LRP1B: variants seen among roughly 807,000 people sequenced by gnomAD.
LRP1B encodes the protein low-density lipoprotein receptor-related protein 1B.
A neutral mutation model predicts 556.6 loss-of-function variants in LRP1B; 217 were observed. The ratio of observed to expected loss-of-function variants is 0.39; its 90% CI spans 0.35 to 0.44. The LOEUF is 0.44. LRP1B is among the 20% of genes least tolerant of loss of function. LRP1B has a pLI of 1.00. For missense variants in LRP1B, 5,053 were observed against 5,620.8 expected (o/e 0.90, Z 3.23); for synonymous variants, 2,047 against 1,865.8 (o/e 1.10, Z -2.50).
chr2:141,080,711 C>T (rs1574053871), intron 7 of LRP1B, among the ~76,000 whole-genome samples: 3 of 152,330 alleles, frequency 2.0e-5, no homozygotes, highest in African/African-American at 7.2e-5. Context: ...GTCTCTATTT[C>T]ATTCTGAGGA....
At chr2:141,154,707 A>G (rs1702022658) in intron 7 of LRP1B, among the ~76,000 whole-genome samples, 1 of 151,906 alleles carries the variant, frequency 6.6e-6, no homozygotes, top group Non-Finnish European at 1.5e-5. Flanking sequence ...TGATAATCCA[A>G]GCCAGAATCA....
At chr2:141,474,059 C>CCTTT (rs1682607173) in intron 3 of LRP1B, among the ~76,000 whole-genome samples, 1 of 51,250 alleles carries the variant, frequency 2.0e-5, no homozygotes, top group African/African-American at 5.5e-5. Flanking sequence ...CTTCCTTCCT[C>CCTTT]CCTCCCTCCC....
chr2:140,302,622 A>C (rs1683883848), intron 83 of LRP1B, among the ~76,000 whole-genome samples: 1 of 152,178 alleles, frequency 6.6e-6, no homozygotes, highest in Admixed American at 6.6e-5. Context: ...TGGAATCAGC[A>C]GACCAAGTAA....
intron 2 of LRP1B, among the ~76,000 whole-genome samples, chr2:141,796,091 T>A (rs1483932466): frequency 6.6e-6 from 1 of 151,524 alleles, no homozygotes; most frequent in Non-Finnish European, 1.5e-5. Flanking sequence ...AGAACACATA[T>A]CTAATTTGTT....
chr2:142,029,815 G>C (rs536827263), intron 1 of LRP1B, among the ~76,000 whole-genome samples: 49 of 151,686 alleles, frequency 3.2e-4, no homozygotes, highest in Non-Finnish European at 5.7e-4. Flanking sequence ...ATGGTTTCTG[G>C]AGATCTTTCT....
At chr2:141,837,271 G>A (rs568337446) in intron 1 of LRP1B, among the ~76,000 whole-genome samples, 7 of 151,972 alleles carry the variant, frequency 4.6e-5, no homozygotes, top group Non-Finnish European at 7.4e-5. Flanking sequence ...AGTTGCCATC[G>A]AAGGGTAAGA....
At chr2:141,274,512 A>G (rs1685209151) in intron 3 of LRP1B, among the ~76,000 whole-genome samples, 2 of 152,206 alleles carry the variant, frequency 1.3e-5, no homozygotes, top group South Asian at 4.1e-4. Flanking sequence ...AAAGCAGTAG[A>G]GAAAAAGTAG....
chr2:141,179,598 T>TTA (rs1489516977), intron 7 of LRP1B, among the ~76,000 whole-genome samples: 2 of 152,006 alleles, frequency 1.3e-5, no homozygotes, highest in Admixed American at 6.6e-5. Context: ...ACAAAGACAA[T>TTA]TATATCACTA....
intron 2 of LRP1B, among the ~76,000 whole-genome samples, chr2:141,530,744 G>T (rs1026946017): frequency 6.6e-6 from 1 of 152,002 alleles, no homozygotes; most frequent in Non-Finnish European, 1.5e-5. Flanking sequence ...AAAGATGGGT[G>T]GTGTCAGCTA....
intron 2 of LRP1B, among the ~76,000 whole-genome samples, chr2:141,760,479 A>T (rs567604445): frequency 6.6e-6 from 1 of 152,332 alleles, no homozygotes; most frequent in South Asian, 2.1e-4. Context: ...ATATTTAAAG[A>T]AATTTATTAT....
chr2:140,984,330 T>C (rs1444259101), intron 17 of LRP1B, among the ~76,000 whole-genome samples: 1 of 151,982 alleles, frequency 6.6e-6, no homozygotes, highest in Non-Finnish European at 1.5e-5. Context: ...TTCTTTTCCA[T>C]ACCTTTCTTC....
intron 18 of LRP1B, among the ~76,000 whole-genome samples, chr2:140,952,897 T>C (rs1446141663): frequency 6.6e-6 from 1 of 152,180 alleles, no homozygotes; most frequent in Admixed American, 6.5e-5. Flanking sequence ...CTAGAGTTTA[T>C]TTAAGTTGCT....
intron 4 of LRP1B, among the ~76,000 whole-genome samples, chr2:141,253,903 T>C (rs1028318230): frequency 3.9e-5 from 6 of 151,990 alleles, no homozygotes; most frequent in Admixed American, 1.3e-4. Context: ...TGCATTTAAC[T>C]TTGTGGATAT....
chr2:140,473,821 G>A (rs899083792), intron 60 of LRP1B, among the ~76,000 whole-genome samples: 4 of 151,848 alleles, frequency 2.6e-5, no homozygotes, highest in African/African-American at 9.7e-5. Context: ...GAAAAATATT[G>A]ATTGTCACAA....
Position 141,430,445 on chromosome 2 carries a change from CT to C in LRP1B, c.343+49950del, listed in dbSNP as rs201694898. 8.8e-3 allele frequency among the ~76,000 whole-genome samples: 1,343 copies of C among 152,036 alleles called. 18 individuals are homozygous for C. Among genetic ancestry groups the C allele is most frequent in the African/African-American group, 0.031 (1,276 of 41,454 alleles). On this transcript the variant is annotated intron_variant, in intron 3 of 90. Transcript: ENST00000389484. ...AATAATTAATGGGCTGCAACAAAAT[CT>C]AAGGTAATTAATTATCAAAAGCTAG...
Position 141,343,823 on chromosome 2 carries a change from T to C in LRP1B, c.344-89182A>G, listed in dbSNP as rs111496091. The stretch of plus-strand genomic sequence containing the variant: ...CTCATTAGTGTTCTCATGTGAATAA[T>C]AGAAGAAAATGTTCTGCAGATCTCC... On this transcript the variant is annotated intron_variant, in intron 3 of 90. Coordinates refer to ENST00000389484, the MANE Select transcript of LRP1B (RefSeq NM_018557.3). Among the ~76,000 whole-genome samples the C allele has an allele frequency of 6.6e-3, 1,009 of 152,284 alleles. 8 individuals carry two copies. Among genetic ancestry groups the C allele is most frequent in the Non-Finnish European group, 9.5e-3 (643 of 68,026 alleles).
Position 140,456,548 on chromosome 2 carries a change from T to C in LRP1B, c.9870A>G (p.Leu3290=). ...NNGGCSHLCL[L]APGKTHTCAC... is the part of the protein sequence containing the mutation. The stretch of plus-strand genomic sequence containing the variant: ...CACAAGTGTGGGTTTTTCCAGGGGC[T>C]AAAAGGCACAAATGACTGCAACCAC... The change falls in exon 62 of 91, where the codon TTA becomes TTG. Residue 3290 remains leucine (L), a synonymous_variant. Transcript: ENST00000389484. 1 of 1,613,320 alleles carries C rather than the reference T, an allele frequency of 6.2e-7. No homozygotes were observed. The highest frequency in any genetic ancestry group is 1.1e-5 in the South Asian group (1 of 90,996).
chr2:141,703,026 T>C (rs1455996267), intron 2 of LRP1B, among the ~76,000 whole-genome samples: 1 of 151,924 alleles, frequency 6.6e-6, no homozygotes, highest in Non-Finnish European at 1.5e-5. Context: ...AAAGGAAAGG[T>C]TAATCTGATT....
At chr2:140,804,060 T>C (rs1690623475) in intron 32 of LRP1B, among the ~76,000 whole-genome samples, 1 of 140,836 alleles carries the variant, frequency 7.1e-6, no homozygotes, top group Admixed American at 7.2e-5. Flanking sequence ...AAGAGAGATT[T>C]AGTAAGCTTT....
Sources: allele counts gnomAD v4.1 joint callset (sites outside exome capture counted in the v4.1 genomes callset), GRCh38; gene constraint gnomAD v4.1.1; transcripts MANE v1.5; gene names NCBI Gene and HGNC (gene_info 2026-07-23, HGNC 2026-07-21).